Variants in ACAN observed in about 807,000 individuals in gnomAD.
The protein encoded by ACAN is aggrecan core protein.
ACAN carries 47 observed loss-of-function variants against 169.1 expected under a neutral mutation model. The observed-to-expected ratio is 0.28, with a 90% CI of 0.22 to 0.35. ACAN has a LOEUF of 0.35. Among genes scored for constraint, ACAN ranks in the 10% least tolerant of loss-of-function variants. ACAN has a pLI of 1.00. For missense variants in ACAN, 2,716 were observed against 2,759.9 expected, an observed-to-expected ratio of 0.98 and a Z score of 0.36; for synonymous variants, 1,115 against 1,112.2, an observed-to-expected ratio of 1.00 and a Z score of -0.05.
chr15:88,859,160 C>T lies in ACAN; in HGVS notation c.6575C>T (p.Ser2192Phe). The T allele has an allele frequency of 6.2e-7, 1 of 1,613,858 alleles. No homozygotes were observed. Among genetic ancestry groups the T allele is most frequent in the Admixed American group, 1.7e-5 (1 of 60,036 alleles). ...TTGCCTTCAGCCACTCCCACGGCTT[C>T]TGGAGACAGGACTGAAATCAGCGGA... ...PGLPSATPTASGDRTEISGDL... is the reference protein window; with the variant it reads ...PGLPSATPTAFGDRTEISGDL... The change falls in exon 12 of 19, where the codon TCT becomes TTT. Residue 2192 changes from serine to phenylalanine, a missense_variant. Ser to Phe is a radical substitution (Grantham distance 155, BLOSUM62 -2). Transcript: ENST00000560601.
chr15:88,840,066 G>C lies in ACAN; in HGVS notation c.509G>C (p.Arg170Thr). ...ACACGCTACACCCTCGACTTTGACA[G>C]GGCGCAGCGGGCCTGCCTGCAGAAC... ...ISTRYTLDFDRAQRACLQNSA... is the reference protein window; with the variant it reads ...ISTRYTLDFDTAQRACLQNSA... Residue 170 changes from arginine (R) to threonine (T), a missense_variant, in exon 4 of 19, where the codon AGG (arginine) becomes ACG (threonine). By Grantham distance (71) the Arg-to-Thr change is moderately conservative (BLOSUM62 -1). Transcript: ENST00000560601. The C allele has an allele frequency of 6.2e-7, 1 of 1,602,470 alleles. No individual in the cohort carries two copies. The highest frequency in any genetic ancestry group is 1.1e-5 in the South Asian group (1 of 88,812).
Position 88,869,037 on chromosome 15 carries a change from C to T in ACAN, c.7060+708C>T, listed in dbSNP as rs1596154975. Among the ~76,000 whole-genome samples the T allele has an allele frequency of 6.6e-6, 1 of 152,290 alleles. No homozygotes were observed. Among genetic ancestry groups the T allele is most frequent in the East Asian group, 1.9e-4 (1 of 5,176 alleles). On this transcript the variant is annotated intron_variant, in intron 14 of 18. Coordinates refer to ENST00000560601, the MANE Select transcript of ACAN (RefSeq NM_001369268.1). The surrounding 1 kb of genome is among the most constrained non-coding windows in gnomAD (Gnocchi z 4.2). The stretch of plus-strand genomic sequence containing the variant: ...ACTGAGTTACCTCTCTTGGGCCTTG[C>T]CAACCTCTCCATTTCTGCACCACTT...
In ACAN at chr15:88,859,367, C is replaced by T. The variant is rs1897146088; in HGVS notation, c.6782C>T (p.Ser2261Phe). 1 of 1,582,014 alleles carries T rather than the reference C, an allele frequency of 6.3e-7. No homozygotes were observed. Among genetic ancestry groups the T allele is most frequent in the Non-Finnish European group, 8.6e-7 (1 of 1,163,708 alleles). ...VETATSPTDA[S>F]IPASPEWKRE... ...ACAGCCACCTCCCCAACAGATGCTT[C>T]CATCCCAGCTTCTCCGGAATGGAAA... The change falls in exon 12 of 19, where the codon TCC (serine) becomes TTC (phenylalanine). Residue 2261 changes from serine (S) to phenylalanine (F), a missense_variant. Transcript: ENST00000560601.
chr15:88,818,428 C>A lies in ACAN; in HGVS notation c.-8+14619C>A, dbSNP rs555113992. Among the ~76,000 whole-genome samples, 283 of 152,268 alleles carry A rather than the reference C, an allele frequency of 1.9e-3. 2 individuals carry two copies. Among genetic ancestry groups the A allele is most frequent in the Middle Eastern group, 6.8e-3 (2 of 294 alleles). ...AGTGAGAAATTCCGCAGGTTCTCCT[C>A]CTGGTAGGTGTGTGTCCTCAGTGAG... On this transcript the variant is annotated intron_variant, in intron 1 of 18. Transcript: ENST00000560601.
At position 88,875,182 on chromosome 15, in the gene ACAN, T is replaced by C. The variant is rs1897483263; in HGVS notation, c.*701T>C. On this transcript the variant is annotated 3_prime_UTR_variant, in exon 19 of 19. Coordinates refer to ENST00000560601, the MANE Select transcript of ACAN (RefSeq NM_001369268.1). This position sits in a 1 kb window ranked among gnomAD's most constrained non-coding sequence, Gnocchi z 4.8. Reference sequence around the variant, plus strand: ...GTCTGCCACCCTAACAGGTGGCAACTCGGCAGGGCTGCTGGGGGCACTTCC... The same window carrying C: ...GTCTGCCACCCTAACAGGTGGCAACCCGGCAGGGCTGCTGGGGGCACTTCC... 1 of 153,294 alleles carries C rather than the reference T, an allele frequency of 6.5e-6. No individual in the cohort carries two copies. Among genetic ancestry groups the C allele is most frequent in the South Asian group, 2.0e-4 (1 of 4,882 alleles). The allele number at this position is 153,294 out of a possible 1,614,324, so 9.5% of individuals were successfully genotyped here.
At position 88,843,572 on chromosome 15, in the gene ACAN, G is replaced by A; in HGVS notation, c.975G>A (p.Val325=). 1 of 1,612,324 alleles carries A rather than the reference G, an allele frequency of 6.2e-7. No homozygotes were observed. Among genetic ancestry groups the A allele is most frequent in the South Asian group, 1.1e-5 (1 of 91,016 alleles). ...RPNCGGNLLG[V]RTVYVHANQT... ...ACTGCGGTGGCAACCTCCTGGGCGT[G>A]AGGACCGTCTACGTGCATGCCAACC... is the stretch of plus-strand genomic sequence containing the variant. Residue 325 remains valine, a synonymous_variant, in exon 6 of 19, where the codon GTG becomes GTA. Coordinates refer to ENST00000560601, the MANE Select transcript of ACAN (RefSeq NM_001369268.1). The surrounding 1 kb of genome is among the most constrained non-coding windows in gnomAD (Gnocchi z 4.0).
chr15:88,828,750 G>A (rs1896288731), intron 1 of ACAN, among the ~76,000 whole-genome samples: 1 of 152,134 alleles, frequency 6.6e-6, no homozygotes, highest in Admixed American at 6.6e-5. Flanking sequence ...CTGGCATTTG[G>A]AATCTCAGGG....
rs1897031972 is a variant in ACAN, at chr15:88,855,430, T to C, written c.2845T>C (p.Ser949Pro). The change falls in exon 12 of 19, where the codon TCT becomes CCT. Residue 949 changes from serine (S) to proline (P), a missense_variant. Transcript: ENST00000560601. Reference protein sequence around the residue: ...SGAEILEGSASGVGDLSGLPS... With the variant: ...SGAEILEGSAPGVGDLSGLPS... The stretch of plus-strand genomic sequence containing the variant: ...AGCTGAGATCCTAGAGGGCTCTGCC[T>C]CTGGAGTTGGGGATCTCAGTGGACT... 1.9e-6 allele frequency: 3 copies of C among 1,613,222 alleles called. No individual in the cohort carries two copies. Among genetic ancestry groups the C allele is most frequent in the Non-Finnish European group, 2.5e-6 (3 of 1,179,466 alleles).
rs1180822630 is a variant in ACAN at position 88,854,926 on chromosome 15, C to T, written c.2341C>T (p.Pro781Ser). The change falls in exon 12 of 19, where the codon CCC becomes TCC. Residue 781 changes from proline to serine, a missense_variant. This residue lies in a region of ACAN where 1,283 missense variants were observed against 1,281.5 expected (regional missense o/e 1.00). Transcript: ENST00000560601. ...AGAAGGCCCTTCTGCAACTGAAGTG[C>T]CCTCTGCCTCAGAGGAACCATCCCC... is the stretch of plus-strand genomic sequence containing the variant. ...STEGPSATEV[P>S]SASEEPSPSE... The T allele has an allele frequency of 1.9e-6, 3 of 1,589,464 alleles. No individual in the cohort carries two copies. In the South Asian group the frequency reaches 3.5e-5, roughly 18 times the overall value.
chr15:88,848,847 T>C (rs61504096), intron 9 of ACAN, among the ~76,000 whole-genome samples: 4,144 of 152,304 alleles, frequency 0.027, 196 homozygotes, highest in African/African-American at 0.095. Context: ...TCAGAGGTTT[T>C]TTTGAGTATT....
intron 4 of ACAN, among the ~76,000 whole-genome samples, chr15:88,841,017 C>T (rs904789176): frequency 1.3e-5 from 2 of 152,120 alleles, no homozygotes; most frequent in Non-Finnish European, 2.9e-5. Context: ...TGGTGGTGGG[C>T]TCCTGTAGTC....
At position 88,849,814 on chromosome 15, in the gene ACAN, G is replaced by T. The variant is rs1442377422; in HGVS notation, c.2026+83G>T. 6.5e-7 allele frequency: 1 copy of T among 1,528,830 alleles called. No individual in the cohort carries two copies. The highest frequency in any genetic ancestry group is 2.4e-5 in the East Asian group (1 of 41,426). 94.7% of individuals were successfully genotyped at this position (1,528,830 alleles called of 1,614,324 possible). A position where few individuals can be genotyped will look rare whatever the true frequency, so the allele number is the denominator to read the frequency against. On this transcript the variant is annotated intron_variant, in intron 10 of 18. Coordinates refer to ENST00000560601, the MANE Select transcript of ACAN (RefSeq NM_001369268.1). This position sits in a 1 kb window ranked among gnomAD's most constrained non-coding sequence, Gnocchi z 5.1. ...GTTCACCGGATCCTGCCACCACCCAGTATCCCATCCATCAGAGCAAGAAAA... is the reference window on the plus strand; with the variant it reads ...GTTCACCGGATCCTGCCACCACCCATTATCCCATCCATCAGAGCAAGAAAA...
chr15:88,868,010 A>C lies in ACAN; in HGVS notation c.6947-206A>C, dbSNP rs76212506. Among the ~76,000 whole-genome samples the C allele has an allele frequency of 8.8e-3, 1,347 of 152,290 alleles. 21 individuals are homozygous for C. The highest frequency in any genetic ancestry group is 0.031 in the African/African-American group (1,282 of 41,560). ...TACCAATCAAGAATCACACACGCCC[A>C]AGAAAACCCTTGTCTGGATCTTTGC... On this transcript the variant is annotated intron_variant, in intron 13 of 18. Coordinates refer to ENST00000560601, the MANE Select transcript of ACAN (RefSeq NM_001369268.1). This position sits in a 1 kb window ranked among gnomAD's most constrained non-coding sequence, Gnocchi z 5.2.
Position 88,849,349 on chromosome 15 carries a change from G to A in ACAN, c.1733-89G>A, listed in dbSNP as rs1278716086. On this transcript the variant is annotated intron_variant, in intron 9 of 18. Transcript: ENST00000560601. This position sits in a 1 kb window ranked among gnomAD's most constrained non-coding sequence, Gnocchi z 5.1. ...GGCTGGGTCTTAGCCCTGGTGAGGAGGGTTAGAGGAACTCTGTCCTGGGTG... is the reference window on the plus strand; with the variant it reads ...GGCTGGGTCTTAGCCCTGGTGAGGAAGGTTAGAGGAACTCTGTCCTGGGTG... 2 of 1,313,992 alleles carry A rather than the reference G, an allele frequency of 1.5e-6. No individual in the cohort carries two copies. Among genetic ancestry groups the A allele is most frequent in the African/African-American group, 3.0e-5 (2 of 67,364 alleles). The allele number at this position is 1,313,992 out of a possible 1,614,324, so 81.4% of individuals were successfully genotyped here.
intron 1 of ACAN, among the ~76,000 whole-genome samples, chr15:88,809,237 C>T (rs888384559): frequency 9.2e-5 from 14 of 152,276 alleles, no homozygotes; most frequent in Non-Finnish European, 1.9e-4. Context: ...AGTATTCCCT[C>T]TGCTTGGGGG....
At chr15:88,831,563 A>C (rs1186115239) in intron 1 of ACAN, among the ~76,000 whole-genome samples, 1 of 152,168 alleles carries the variant, frequency 6.6e-6, no homozygotes, top group East Asian at 1.9e-4. Flanking sequence ...CACACACTAC[A>C]TTGGGTGCCA....
intron 1 of ACAN, among the ~76,000 whole-genome samples, chr15:88,818,392 AAG>A (rs959405334): frequency 6.6e-5 from 10 of 152,176 alleles, no homozygotes; most frequent in Admixed American, 2.6e-4. Flanking sequence ...CATTGGGAGA[AAG>A]AATACTTTAG....
chr15:88,818,078 T>C (rs1267822139), intron 1 of ACAN, among the ~76,000 whole-genome samples: 1 of 152,188 alleles, frequency 6.6e-6, no homozygotes, highest in Non-Finnish European at 1.5e-5. Flanking sequence ...TGTTTCCAAG[T>C]AAGTAAACAG....
In ACAN at chr15:88,841,717, C is replaced by T. The variant is rs74952262; in HGVS notation, c.630-23C>T. ...TTCCCTTTGTCCCCTGAGTGTCACA[C>T]CTCCATTTCGGGTTCCTGGCAGATA... On this transcript the variant is annotated intron_variant, in intron 4 of 18. Coordinates refer to ENST00000560601, the MANE Select transcript of ACAN (RefSeq NM_001369268.1). 71,389 of 1,613,500 alleles carry T rather than the reference C, an allele frequency of 0.044. 1,910 individuals are homozygous for T. Among genetic ancestry groups the T allele is most frequent in the Non-Finnish European group, 0.053 (62,292 of 1,179,554 alleles).
Sources: allele counts gnomAD v4.1 joint callset (sites outside exome capture counted in the v4.1 genomes callset), GRCh38; gene constraint gnomAD v4.1.1; regional missense constraint gnomAD v4.1.1; non-coding constraint Gnocchi (gnomAD v3.1); transcripts MANE v1.5; gene names NCBI Gene and HGNC (gene_info 2026-07-23, HGNC 2026-07-21).